Variants in UTRN observed in about 807,000 individuals in gnomAD.
UTRN encodes utrophin.
UTRN carries 283 observed loss-of-function variants against 463.9 expected under a neutral mutation model. The observed-to-expected ratio is 0.61, with a 90% confidence interval of 0.55 to 0.67. UTRN has a LOEUF of 0.67. UTRN is among the 30% of genes least tolerant of loss of function. The pLI, the probability that UTRN is intolerant of heterozygous loss-of-function variation, is 0.00. For synonymous variants in UTRN, 1,442 were observed against 1,431.5 expected (o/e 1.01, Z -0.17); for missense variants, 3,922 against 4,084.3 (o/e 0.96, Z 1.08).
intron 73 of UTRN, among the ~76,000 whole-genome samples, chr6:144,845,845 G>A (rs556427078): frequency 2.0e-5 from 3 of 152,136 alleles, no homozygotes; most frequent in South Asian, 2.1e-4. Flanking sequence ...CCCTCCAGAC[G>A]TTATAGGAAG....
intron 51 of UTRN, among the ~76,000 whole-genome samples, chr6:144,635,758 T>C (rs1400197592): frequency 1.3e-5 from 2 of 151,326 alleles, no homozygotes; most frequent in Admixed American, 6.6e-5. Flanking sequence ...AGGCTGGTCT[T>C]GAATTCCTGA....
chr6:144,565,867 A>G lies in UTRN; in HGVS notation c.7289+8556A>G, dbSNP rs374010942. Among the ~76,000 whole-genome samples the G allele has an allele frequency of 1.1e-4, 17 of 152,316 alleles. No individual in the cohort carries two copies. The South Asian group carries it at 1.2e-3, about 11-fold the overall frequency. ...TAGAGAAGTTTGTGTGAAGAGGGACAGAGATTTTAGGTAGTGCTTAGTGTG... is the reference window on the plus strand; with the variant it reads ...TAGAGAAGTTTGTGTGAAGAGGGACGGAGATTTTAGGTAGTGCTTAGTGTG... On this transcript the variant is annotated intron_variant, in intron 50 of 74. Transcript: ENST00000367545.
At chr6:144,645,211 G>A (rs1262527593) in intron 51 of UTRN, among the ~76,000 whole-genome samples, 2 of 151,984 alleles carry the variant, frequency 1.3e-5, no homozygotes, top group Non-Finnish European at 2.9e-5. Context: ...TCCATGCCAG[G>A]GATTAAATTG....
intron 2 of UTRN, among the ~76,000 whole-genome samples, chr6:144,310,797 A>G (rs1007222716): frequency 2.6e-5 from 4 of 152,230 alleles, no homozygotes; most frequent in African/African-American, 9.6e-5. Context: ...CAAACAAACA[A>G]AAAACAAACA....
chr6:144,407,008 T>C (rs1783482979), intron 3 of UTRN, among the ~76,000 whole-genome samples: 1 of 151,908 alleles, frequency 6.6e-6, no homozygotes, highest in South Asian at 2.1e-4. Flanking sequence ...GGCCAGCTCC[T>C]ACCCCTTCCT....
intron 43 of UTRN, among the ~76,000 whole-genome samples, chr6:144,534,222 A>T (rs1410866346): frequency 6.6e-6 from 1 of 152,168 alleles, no homozygotes; most frequent in African/African-American, 2.4e-5. Flanking sequence ...TGGTTGAGAG[A>T]TTACCACATG....
At chr6:144,555,079 CAAGT>C (rs1294107895) in intron 49 of UTRN, among the ~76,000 whole-genome samples, 186 bp downstream of exon 49, 3 of 152,018 alleles carry the variant, frequency 2.0e-5, no homozygotes, top group African/African-American at 7.2e-5. Flanking sequence ...GGAGGCATAA[CAAGT>C]AAGAATATGC....
intron 9 of UTRN, among the ~76,000 whole-genome samples, chr6:144,433,328 C>G (rs1451044109): frequency 6.6e-6 from 1 of 150,448 alleles, no homozygotes; most frequent in Non-Finnish European, 1.5e-5. Flanking sequence ...AACCCCCCAC[C>G]TCCCTCCCGG....
intron 52 of UTRN, among the ~76,000 whole-genome samples, chr6:144,692,087 A>G (rs1409739653): frequency 6.6e-6 from 1 of 152,002 alleles, no homozygotes; most frequent in Non-Finnish European, 1.5e-5. Context: ...GGTCTCCTCT[A>G]TGTATCCAAG....
At chr6:144,814,262 G>C (rs1457694919) in intron 65 of UTRN, among the ~76,000 whole-genome samples, 1 of 152,196 alleles carries the variant, frequency 6.6e-6, no homozygotes, top group African/African-American at 2.4e-5. Context: ...GGAGGACGCA[G>C]TGAGAAGACG....
Position 144,459,311 on chromosome 6 carries a change from T to TG in UTRN, c.2665dup (p.Val889GlyfsTer15), listed in dbSNP as rs1789177463. On this transcript the variant is annotated frameshift_variant, in exon 21 of 75. Transcript: ENST00000367545. LOFTEE classifies it high-confidence loss of function. ...ATAGCTTTCTGGGCCGCTACCAAGC[T>TG]GTACAAGAGGCTGTAGAGGATCGTC... 1 of 1,613,520 alleles carries TG rather than the reference T, an allele frequency of 6.2e-7. No individual in the cohort carries two copies. The highest frequency in any genetic ancestry group is 8.5e-7 in the Non-Finnish European group (1 of 1,179,848).
At chr6:144,719,968 T>C (rs1254911277) in intron 53 of UTRN, among the ~76,000 whole-genome samples, 1 of 152,224 alleles carries the variant, frequency 6.6e-6, no homozygotes, top group Admixed American at 6.5e-5. Flanking sequence ...AGAAGGGGGG[T>C]GACCCCAGGA....
intron 51 of UTRN, among the ~76,000 whole-genome samples, chr6:144,670,282 A>G (rs1296960525): frequency 6.6e-6 from 1 of 152,092 alleles, no homozygotes; most frequent in African/African-American, 2.4e-5. Flanking sequence ...CATCCACACC[A>G]ACATCTATTT....
Position 144,557,308 on chromosome 6 carries a change from A to C in UTRN, c.7286A>C (p.Gln2429Pro). The change falls in exon 50 of 75, where the codon CAA becomes CCA. Residue 2429 changes from glutamine to proline, a missense_variant. Transcript: ENST00000367545. Reference protein sequence around the residue: ...YLKTSWINLKQSIADRQNALE... With the variant: ...YLKTSWINLKPSIADRQNALE... ...AAAACATCATGGATCAATCTCAAAC[A>C]AAGGTAAGTCTAAGGCCCTGGCAGG... 11 of 1,612,830 alleles carry C rather than the reference A, an allele frequency of 6.8e-6. No individual in the cohort carries two copies. Among genetic ancestry groups the C allele is most frequent in the Non-Finnish European group, 9.3e-6 (11 of 1,179,262 alleles).
intron 60 of UTRN, among the ~76,000 whole-genome samples, chr6:144,777,041 G>GT (rs1482502232): frequency 1.3e-5 from 2 of 152,056 alleles, no homozygotes; most frequent in African/African-American, 4.8e-5. Flanking sequence ...TTAATATTCT[G>GT]TTTATTAGTT....
chr6:144,782,708 T>C (rs900397539), intron 61 of UTRN, among the ~76,000 whole-genome samples: 1 of 151,988 alleles, frequency 6.6e-6, no homozygotes, highest in African/African-American at 2.4e-5. Context: ...TTTAATTAGG[T>C]ACTCACTGTT....
At chr6:144,818,154 A>G (rs2185144) in intron 65 of UTRN, among the ~76,000 whole-genome samples, 2,664 of 152,332 alleles carry the variant, frequency 0.017, 210 homozygotes, top group Admixed American at 0.12. Context: ...AACTGATGCT[A>G]AGTAAAAGAA....
Position 144,286,841 on chromosome 6 carries a change from G to A in UTRN, c.-93+1020G>A, listed in dbSNP as rs1410528432. On this transcript the variant is annotated intron_variant, in intron 1 of 74. Coordinates refer to ENST00000367545, the MANE Select transcript of UTRN (RefSeq NM_007124.3). The surrounding 1 kb of genome is among the most constrained non-coding windows in gnomAD (Gnocchi z 4.4). ...GCAGAGCTCGGGTTCTAACTCCACG[G>A]CCCCGCTCTCTGAGGTGTTCAGGAC... Among the ~76,000 whole-genome samples the A allele has an allele frequency of 1.3e-5, 2 of 151,918 alleles. No homozygotes were observed. Among genetic ancestry groups the A allele is most frequent in the African/African-American group, 4.8e-5 (2 of 41,348 alleles).
At chr6:144,321,939 T>C (rs1337867442) in intron 2 of UTRN, among the ~76,000 whole-genome samples, 1 of 152,056 alleles carries the variant, frequency 6.6e-6, no homozygotes, top group African/African-American at 2.4e-5. Flanking sequence ...GATTTTTGCA[T>C]TTTTAGTAGA....
Sources: allele counts gnomAD v4.1 joint callset (sites outside exome capture counted in the v4.1 genomes callset), GRCh38; gene constraint gnomAD v4.1.1; non-coding constraint Gnocchi (gnomAD v3.1); transcripts MANE v1.5; gene names NCBI Gene and HGNC (gene_info 2026-07-23, HGNC 2026-07-21).